The following EXOC4 variants were observed in gnomAD, a reference collection of about 807,000 sequenced individuals.
The protein encoded by EXOC4 is exocyst complex component 4.
Under a neutral mutation model 107.2 loss-of-function variants are expected in EXOC4, and 71 were observed. The observed-to-expected ratio is 0.66, with a 90% CI of 0.55 to 0.81. The LOEUF (loss-of-function observed/expected upper bound fraction) is 0.81. Ranked by LOEUF, EXOC4 falls within the 30% of genes least tolerant of loss-of-function variation. The probability of loss-of-function intolerance (pLI) is 0.00; values close to 1 mark genes in which losing one functional copy is unlikely to be tolerated. For synonymous variants in EXOC4, 456 were observed against 441.2 expected, an observed-to-expected ratio of 1.03 and a Z score of -0.42; for missense variants, 1,108 against 1,189.6, an observed-to-expected ratio of 0.93 and a Z score of 1.01.
At chr7:133,822,634 A>G (rs1797549325) in intron 11 of EXOC4, among the ~76,000 whole-genome samples, 1 of 152,180 alleles carries the variant, frequency 6.6e-6, no homozygotes, top group East Asian at 1.9e-4. Context: ...ATTGCCTTAT[A>G]CCAGTGCAAA....
intron 7 of EXOC4, among the ~76,000 whole-genome samples, chr7:133,382,656 T>C (rs1796642900): frequency 6.6e-6 from 1 of 152,210 alleles, no homozygotes; most frequent in Non-Finnish European, 1.5e-5. Flanking sequence ...TGGGATATTA[T>C]GATGAATAGA....
rs76458637 is a variant in EXOC4 at position 133,839,138 on chromosome 7, G to A, written c.1734+21594G>A. Among the ~76,000 whole-genome samples the A allele has an allele frequency of 2.0e-3, 310 of 152,250 alleles. No individual in the cohort carries two copies. The Middle Eastern group carries it at 0.031, about 15-fold the overall frequency. ...TAGAGAACTTAGAATAAGGTGAGAGGCATAATGGCTTAGCTCTATTGTGGC... is the reference window on the plus strand; with the variant it reads ...TAGAGAACTTAGAATAAGGTGAGAGACATAATGGCTTAGCTCTATTGTGGC... On this transcript the variant is annotated intron_variant, in intron 11 of 17. Transcript: ENST00000253861.
intron 10 of EXOC4, among the ~76,000 whole-genome samples, chr7:133,717,427 G>T (rs1795020989): frequency 6.6e-6 from 1 of 152,162 alleles, no homozygotes; most frequent in Non-Finnish European, 1.5e-5. Context: ...TGTTTTGGCT[G>T]TGCACATGCT....
intron 10 of EXOC4, among the ~76,000 whole-genome samples, chr7:133,786,494 C>A (rs1341323588): frequency 6.6e-6 from 1 of 152,192 alleles, no homozygotes. Context: ...TAAAGCACGG[C>A]CCAGAACGTA....
chr7:133,898,608 G>A (rs575312788), intron 12 of EXOC4, among the ~76,000 whole-genome samples: 17 of 151,954 alleles, frequency 1.1e-4, no homozygotes, highest in Non-Finnish European at 1.6e-4. Context: ...TTAGCCGGGC[G>A]TGGTGGCAGC....
At chr7:133,693,842 G>C (rs1305464719) in intron 10 of EXOC4, among the ~76,000 whole-genome samples, 2 of 152,170 alleles carry the variant, frequency 1.3e-5, no homozygotes, top group Non-Finnish European at 2.9e-5. Context: ...TGAGGCTTCA[G>C]AAAAGAGATT....
At position 133,911,239 on chromosome 7, in the gene EXOC4, G is replaced by A. The variant is rs1050942287; in HGVS notation, c.1872-6344G>A. On this transcript the variant is annotated intron_variant, in intron 12 of 17. Transcript: ENST00000253861. Reference sequence around the variant, plus strand: ...TGCTTCTCCTATGGAATAATTTTTGGACATGTAGCTCTCCTTTTTTGAGGC... The same window carrying A: ...TGCTTCTCCTATGGAATAATTTTTGAACATGTAGCTCTCCTTTTTTGAGGC... 3.9e-5 allele frequency among the ~76,000 whole-genome samples: 6 copies of A among 152,124 alleles called. No homozygotes were observed. In the East Asian group the frequency reaches 9.6e-4, roughly 24 times the overall value.
At position 133,428,019 on chromosome 7, in the gene EXOC4, A is replaced by AG. The variant is rs202234470; in HGVS notation, c.1183-47306dup. Among the ~76,000 whole-genome samples the AG allele has an allele frequency of 4.8e-3, 726 of 152,354 alleles. 4 individuals carry two copies. Among genetic ancestry groups the AG allele is most frequent in the Admixed American group, 0.01 (155 of 15,304 alleles). The stretch of plus-strand genomic sequence containing the variant: ...TGATGCTTTCAAGAGTTTGAGAAAT[A>AG]GGGTATTTAACTTCTCAACTTATGC... On this transcript the variant is annotated intron_variant, in intron 7 of 17. Coordinates refer to ENST00000253861, the MANE Select transcript of EXOC4 (RefSeq NM_021807.4).
rs529121622 is a variant in EXOC4 at position 133,656,872 on chromosome 7, G to C, written c.1514+26731G>C. On this transcript the variant is annotated intron_variant, in intron 10 of 17. Transcript: ENST00000253861. ...TTACTTTTGATGGTTTAGGAATTAA[G>C]TTATGATTTTGGGACTTGAAATGAG... Among the ~76,000 whole-genome samples, 10 of 152,290 alleles carry C rather than the reference G, an allele frequency of 6.6e-5. No homozygotes were observed. In the South Asian group the frequency reaches 2.1e-3, roughly 32 times the overall value.
Position 133,966,947 on chromosome 7 carries a change from G to C in EXOC4, c.2206+28878G>C, listed in dbSNP as rs182840568. 1.1e-4 allele frequency among the ~76,000 whole-genome samples: 16 copies of C among 152,078 alleles called. 1 individual carries two copies. The highest frequency in any genetic ancestry group is 2.7e-4 in the African/African-American group (11 of 41,414). On this transcript the variant is annotated intron_variant, in intron 14 of 17. Transcript: ENST00000253861. ...TCTGGTGGAATTCAGCTGTGAATTCGTCTGGTCCTTGCTTTTTTTTGGTGG... is the reference window on the plus strand; with the variant it reads ...TCTGGTGGAATTCAGCTGTGAATTCCTCTGGTCCTTGCTTTTTTTTGGTGG...
intron 5 of EXOC4, among the ~76,000 whole-genome samples, chr7:133,336,919 G>C (rs1211578940): frequency 6.6e-6 from 1 of 151,800 alleles, no homozygotes; most frequent in Admixed American, 6.6e-5. Context: ...TTTTTTAGTA[G>C]AGACGGGGTT....
intron 4 of EXOC4, among the ~76,000 whole-genome samples, chr7:133,308,062 T>A (rs1794793529): frequency 6.6e-6 from 1 of 152,180 alleles, no homozygotes; most frequent in South Asian, 2.1e-4. Context: ...ATTTAAGTCT[T>A]TAAAGCTTCA....
chr7:134,072,423 C>T, the EXOC4 span, among the ~76,000 whole-genome samples: 1 of 152,206 alleles, frequency 6.6e-6, no homozygotes, highest in South Asian at 2.1e-4. Context: ...GGCAGGGTCT[C>T]GCTGTATCGC....
At chr7:133,883,532 A>G (rs528801738) in intron 11 of EXOC4, among the ~76,000 whole-genome samples, 1 of 151,594 alleles carries the variant, frequency 6.6e-6, no homozygotes, top group Admixed American at 6.6e-5. Context: ...AGTCTCAGCT[A>G]CTGGAGAGTC....
chr7:133,700,309 G>A (rs1794628295), intron 10 of EXOC4, among the ~76,000 whole-genome samples: 1 of 151,898 alleles, frequency 6.6e-6, no homozygotes, highest in African/African-American at 2.4e-5. Flanking sequence ...TTCTCTTGAG[G>A]GACTATTTTT....
chr7:133,827,767 G>C (rs1218656229), intron 11 of EXOC4, among the ~76,000 whole-genome samples: 3 of 152,300 alleles, frequency 2.0e-5, no homozygotes, highest in African/African-American at 7.2e-5. Flanking sequence ...AGTTTAAAAA[G>C]AATGAACTGG....
intron 7 of EXOC4, among the ~76,000 whole-genome samples, chr7:133,457,147 T>A (rs1205030316): frequency 6.6e-6 from 1 of 152,144 alleles, no homozygotes; most frequent in Non-Finnish European, 1.5e-5. Context: ...TGAAGGGAAA[T>A]GACATGGCTT....
intron 10 of EXOC4, among the ~76,000 whole-genome samples, chr7:133,694,259 CAAAAAA>C (rs10591090): frequency 3.3e-5 from 4 of 120,170 alleles, no homozygotes; most frequent in African/African-American, 3.3e-5. Context: ...GATTCCTTCT[CAAAAAA>C]AAAAAAAAAA....
chr7:134,099,574 G>GGCTGGAGT, the EXOC4 span, among the ~76,000 whole-genome samples: 1 of 134,500 alleles, frequency 7.4e-6, no homozygotes, highest in African/African-American at 2.8e-5. Context: ...CTGTCACCCA[G>GGCTGGAGT]GCTGGAGTGC....
Sources: allele counts gnomAD v4.1 joint callset (sites outside exome capture counted in the v4.1 genomes callset), GRCh38; gene constraint gnomAD v4.1.1; transcripts MANE v1.5; gene names NCBI Gene and HGNC (gene_info 2026-07-23, HGNC 2026-07-21).